Variants in ZYG11A observed in about 807,000 individuals in gnomAD.
The protein encoded by ZYG11A is protein zyg-11 homolog A.
Under a neutral mutation model 77.2 loss-of-function variants are expected in ZYG11A, and 62 were observed. The observed-to-expected ratio is 0.80, with a 90% CI of 0.65 to 0.99. The LOEUF (loss-of-function observed/expected upper bound fraction) is 0.99. Ranked by LOEUF, ZYG11A falls within the 50% of genes least tolerant of loss-of-function variation. ZYG11A has a pLI of 0.00. For missense variants in ZYG11A, 828 were observed against 896.8 expected (o/e 0.92, Z 0.98); for synonymous variants, 315 against 324.6 (o/e 0.97, Z 0.32).
In ZYG11A at chr1:52,877,946, C is replaced by T. The variant is rs1196318492; in HGVS notation, c.1726C>T (p.Gln576Ter). The part of the protein sequence containing the change: ...VLETFSESAI[Q>*]SKVLGLLNNI... ...ACAGACCTTTTCAGAGTCAGCAATA[C>T]AAAGCAAAGTACTTGGTCTTTTGGT... The change falls in exon 10 of 14, where the codon CAA becomes TAA. Residue 576 changes from glutamine (Q) to a stop codon, truncating the protein, a stop_gained. Coordinates refer to ENST00000371528, the MANE Select transcript of ZYG11A (RefSeq NM_001004339.3). LOFTEE classifies it high-confidence loss of function. 6.4e-7 allele frequency: 1 copy of T among 1,551,584 alleles called. No homozygotes were observed. Among genetic ancestry groups the T allele is most frequent in the East Asian group, 2.4e-5 (1 of 40,898 alleles).
At chr1:52,872,781 G>A (rs560091697) in intron 8 of ZYG11A, among the ~76,000 whole-genome samples, 1 of 150,488 alleles carries the variant, frequency 6.6e-6, no homozygotes, top group Non-Finnish European at 1.5e-5. Flanking sequence ...CACTTAGGAG[G>A]CTGAGGTGGG....
At chr1:52,870,815 A>G (rs943684405) in intron 8 of ZYG11A, among the ~76,000 whole-genome samples, 2 of 151,582 alleles carry the variant, frequency 1.3e-5, no homozygotes, top group African/African-American at 2.4e-5. Flanking sequence ...GCAGCAGTAC[A>G]GTCCAGCTTT....
chr1:52,844,469 G>C (rs1324561739), intron 1 of ZYG11A, among the ~76,000 whole-genome samples: 2 of 152,042 alleles, frequency 1.3e-5, no homozygotes, highest in Non-Finnish European at 2.9e-5. Flanking sequence ...CATTTTCTCT[G>C]TCTAGTTCTG....
At chr1:52,861,018 C>T in intron 4 of ZYG11A, 147 bp downstream of exon 4, 4 of 774,634 alleles carry the variant, frequency 5.2e-6, no homozygotes, top group Non-Finnish European at 8.0e-6. Context: ...TTAAGCTTAG[C>T]TGCCAAAGTG....
Position 52,873,047 on chromosome 1 carries a change from C to T in ZYG11A, c.1543-4635C>T, listed in dbSNP as rs1414057080. On this transcript the variant is annotated intron_variant, in intron 8 of 13. Transcript: ENST00000371528. ...TAGATACCATTAAGAAAACACACAGCGGTGGCTCATGTCTGTAATCCTAGC... is the reference window on the plus strand; with the variant it reads ...TAGATACCATTAAGAAAACACACAGTGGTGGCTCATGTCTGTAATCCTAGC... Among the ~76,000 whole-genome samples the T allele has an allele frequency of 4.6e-5, 7 of 151,958 alleles. 1 individual carries two copies. The highest frequency in any genetic ancestry group is 4.2e-4 in the South Asian group (2 of 4,796).
At chr1:52,866,397 C>A in intron 5 of ZYG11A, 106 bp from the exon 6 acceptor site, 1 of 571,150 alleles carries the variant, frequency 1.8e-6, no homozygotes, top group Non-Finnish European at 3.1e-6. Flanking sequence ...CACAAATGAG[C>A]TCTCAATAAG....
chr1:52,886,168 G>A (rs928088891), intron 12 of ZYG11A, among the ~76,000 whole-genome samples: 28 of 152,156 alleles, frequency 1.8e-4, no homozygotes, highest in South Asian at 6.2e-4. Flanking sequence ...TCCTGACCTC[G>A]TGATCTGCCC....
chr1:52,846,594 GCCTC>G (rs1258570336), intron 1 of ZYG11A, among the ~76,000 whole-genome samples: 1 of 151,316 alleles, frequency 6.6e-6, no homozygotes, highest in African/African-American at 2.4e-5. Flanking sequence ...ATCCACCCTG[GCCTC>G]CCAAAGTACT....
chr1:52,882,871 G>T (rs987929753), intron 11 of ZYG11A, among the ~76,000 whole-genome samples: 1 of 151,440 alleles, frequency 6.6e-6, no homozygotes, highest in Non-Finnish European at 1.5e-5. Flanking sequence ...TTTCTTCTTT[G>T]TGGGTTTATT....
chr1:52,877,424 A>G (rs578037120), intron 8 of ZYG11A, among the ~76,000 whole-genome samples: 11 of 152,330 alleles, frequency 7.2e-5, no homozygotes, highest in Admixed American at 5.9e-4. Flanking sequence ...GGAATAGCTA[A>G]TAATGTACTT....
intron 3 of ZYG11A, among the ~76,000 whole-genome samples, chr1:52,858,967 CT>C (rs1444237399): frequency 1.3e-5 from 2 of 152,132 alleles, no homozygotes; most frequent in East Asian, 3.8e-4. Flanking sequence ...CTCCTTAGTT[CT>C]TCCTAGGGGA....
chr1:52,849,073 C>CT (rs982629851), intron 1 of ZYG11A, among the ~76,000 whole-genome samples: 36 of 150,750 alleles, frequency 2.4e-4, no homozygotes, highest in African/African-American at 5.8e-4. Flanking sequence ...ACTTCTTTTT[C>CT]TTTTTTTTTG....
intron 11 of ZYG11A, among the ~76,000 whole-genome samples, chr1:52,882,622 C>T (rs1646381380): frequency 6.6e-6 from 1 of 152,144 alleles, no homozygotes; most frequent in African/African-American, 2.4e-5. Context: ...CTTTATTTTA[C>T]CCTCACATTT....
At chr1:52,871,753 T>C (rs1646171237) in intron 8 of ZYG11A, among the ~76,000 whole-genome samples, 1 of 152,222 alleles carries the variant, frequency 6.6e-6, no homozygotes, top group Non-Finnish European at 1.5e-5. Flanking sequence ...CTTTTAGTTA[T>C]CCTTATCTAT....
At position 52,857,417 on chromosome 1, in the gene ZYG11A, T is replaced by A; in HGVS notation, c.676T>A (p.Cys226Ser). ...CACTGATATTTCTGCACTGCTTACC[T>A]GTAAGGATCGATTGAAGTCTCTCAC... Reference protein sequence around the residue: ...LVTDISALLTCKDRLKSLTMH... With the variant: ...LVTDISALLTSKDRLKSLTMH... Residue 226 changes from cysteine (C) to serine (S), a missense_variant, in exon 3 of 14, where the codon TGT becomes AGT. Transcript: ENST00000371528. 6.4e-7 allele frequency: 1 copy of A among 1,551,996 alleles called. No individual in the cohort carries two copies. Among genetic ancestry groups the A allele is most frequent in the Non-Finnish European group, 8.7e-7 (1 of 1,147,050 alleles).
At chr1:52,886,619 G>T (rs998726183) in intron 12 of ZYG11A, among the ~76,000 whole-genome samples, 2 of 149,844 alleles carry the variant, frequency 1.3e-5, no homozygotes, top group Admixed American at 6.7e-5. Flanking sequence ...ATGCAGCCTT[G>T]ACTTCCCAGG....
intron 10 of ZYG11A, among the ~76,000 whole-genome samples, chr1:52,878,657 G>A (rs1646304274): frequency 6.6e-6 from 1 of 151,990 alleles, no homozygotes; most frequent in Non-Finnish European, 1.5e-5. Context: ...ACTCAAACTC[G>A]GCCAGGCACG....
rs1330453136 is a variant in ZYG11A at position 52,893,813 on chromosome 1, T to C, written c.*856T>C. ...AGAGAAATATATTTTTTTACCTTTT[T>C]TTTTTTTTTTTTTTTTGTGACGGAA... On this transcript the variant is annotated 3_prime_UTR_variant, in exon 14 of 14. Transcript: ENST00000371528. 1.4e-5 allele frequency: 2 copies of C among 139,754 alleles called. No individual in the cohort carries two copies. Among genetic ancestry groups the C allele is most frequent in the Non-Finnish European group, 3.1e-5 (2 of 64,168 alleles). 8.7% of individuals were successfully genotyped at this position (139,754 alleles called of 1,614,324 possible).
intron 1 of ZYG11A, among the ~76,000 whole-genome samples, chr1:52,851,019 T>G (rs534902446): frequency 6.6e-6 from 1 of 152,298 alleles, no homozygotes; most frequent in South Asian, 2.1e-4. Context: ...TGTCTATATA[T>G]ATTTTGCAAT....
Sources: gnomAD v4.1 joint callset for allele counts (sites outside exome capture counted in the v4.1 genomes callset) on GRCh38, gnomAD v4.1.1 for gene constraint, MANE v1.5 for transcripts, NCBI Gene and HGNC (gene_info 2026-07-23, HGNC 2026-07-21) for gene names.